The following KCNH8 variants were observed in gnomAD, a reference collection of about 807,000 sequenced individuals.
KCNH8 encodes the protein potassium voltage-gated channel subfamily H member 8.
A neutral mutation model predicts 103.6 loss-of-function variants in KCNH8; 70 were observed. The ratio of observed to expected loss-of-function variants is 0.68; its 90% CI spans 0.56 to 0.82. The LOEUF is 0.82. Among genes scored for constraint, KCNH8 ranks in the 40% least tolerant of loss-of-function variants. The pLI is 0.00. For missense variants in KCNH8, 1,217 were observed against 1,329.9 expected (o/e 0.92, Z 1.32); for synonymous variants, 498 against 489.4 (o/e 1.02, Z -0.23).
chr3:19,270,911 A>G (rs1215116216), intron 2 of KCNH8, among the ~76,000 whole-genome samples: 1 of 152,000 alleles, frequency 6.6e-6, no homozygotes, highest in Non-Finnish European at 1.5e-5. Context: ...CTTACATAGG[A>G]TGTATTTTTC....
At chr3:19,373,076 T>G (rs1000331719) in intron 5 of KCNH8, among the ~76,000 whole-genome samples, 1 of 151,972 alleles carries the variant, frequency 6.6e-6, no homozygotes, top group East Asian at 1.9e-4. Flanking sequence ...AATTCTCTTT[T>G]TTGGTTGTGT....
chr3:19,213,684 C>G (rs758828848), intron 1 of KCNH8, among the ~76,000 whole-genome samples: 2 of 152,200 alleles, frequency 1.3e-5, no homozygotes, highest in Non-Finnish European at 2.9e-5. Context: ...AGAATGCAGT[C>G]TTCAGCATAT....
chr3:19,463,144 A>G (rs2067667943), intron 11 of KCNH8, among the ~76,000 whole-genome samples: 1 of 152,180 alleles, frequency 6.6e-6, no homozygotes. Context: ...TGCATAGGTT[A>G]TACTATGCCA....
intron 5 of KCNH8, among the ~76,000 whole-genome samples, chr3:19,373,875 T>C (rs1275465720): frequency 6.6e-6 from 1 of 152,194 alleles, no homozygotes; most frequent in Non-Finnish European, 1.5e-5. Context: ...TACCCATTAG[T>C]CATTCAGGAG....
intron 11 of KCNH8, among the ~76,000 whole-genome samples, chr3:19,496,292 CT>C (rs1309771845): frequency 6.6e-6 from 1 of 152,120 alleles, no homozygotes. Flanking sequence ...CAGAATGCTT[CT>C]AGCTTTTGCC....
At chr3:19,411,223 A>G (rs936332451) in intron 7 of KCNH8, among the ~76,000 whole-genome samples, 2 of 152,134 alleles carry the variant, frequency 1.3e-5, no homozygotes, top group Admixed American at 6.6e-5. Flanking sequence ...GCACAAAACA[A>G]TAAATGTGGT....
At chr3:19,489,979 C>T (rs367757976) in intron 11 of KCNH8, among the ~76,000 whole-genome samples, 14 of 152,170 alleles carry the variant, frequency 9.2e-5, no homozygotes, top group Admixed American at 2.0e-4. Flanking sequence ...TTCAGATGTC[C>T]GGACTCCAAG....
intron 7 of KCNH8, among the ~76,000 whole-genome samples, chr3:19,431,663 T>A (rs1167389854): frequency 6.6e-6 from 1 of 152,190 alleles, no homozygotes; most frequent in Non-Finnish European, 1.5e-5. Flanking sequence ...TATTTATTGC[T>A]GCCTCAATTT....
chr3:19,277,117 A>G (rs1297370091), intron 2 of KCNH8, among the ~76,000 whole-genome samples: 2 of 152,248 alleles, frequency 1.3e-5, no homozygotes, highest in Middle Eastern at 3.4e-3. Flanking sequence ...CAAATATTGC[A>G]TGTTCTCATT....
intron 5 of KCNH8, among the ~76,000 whole-genome samples, chr3:19,375,794 T>A (rs965032089): frequency 7.9e-5 from 12 of 152,072 alleles, no homozygotes; most frequent in African/African-American, 2.9e-4. Context: ...GGTGTGGATG[T>A]CCTTTCTGTT....
chr3:19,240,295 C>A (rs1422562709), intron 1 of KCNH8, among the ~76,000 whole-genome samples: 1 of 152,100 alleles, frequency 6.6e-6, no homozygotes, highest in African/African-American at 2.4e-5. Flanking sequence ...AAATTTCTAT[C>A]TAAGCATAGC....
At chr3:19,367,784 T>C (rs1177078801) in intron 5 of KCNH8, among the ~76,000 whole-genome samples, 1 of 152,004 alleles carries the variant, frequency 6.6e-6, no homozygotes, top group East Asian at 1.9e-4. Flanking sequence ...TTAGAGTTGC[T>C]AATTCTTAAC....
chr3:19,339,338 C>T (rs1350156546), intron 3 of KCNH8, among the ~76,000 whole-genome samples: 3 of 152,084 alleles, frequency 2.0e-5, no homozygotes, highest in African/African-American at 7.2e-5. Flanking sequence ...TTCCACTTGA[C>T]ATTTTGAAGC....
chr3:19,419,902 T>C (rs1025923596), intron 7 of KCNH8, among the ~76,000 whole-genome samples: 1 of 152,162 alleles, frequency 6.6e-6, no homozygotes, highest in East Asian at 1.9e-4. Context: ...TCTATTATAA[T>C]GATACTTAAA....
chr3:19,327,369 A>G (rs558145283), intron 3 of KCNH8, among the ~76,000 whole-genome samples: 16 of 152,322 alleles, frequency 1.1e-4, no homozygotes, highest in African/African-American at 1.2e-4. Context: ...GGCTCACTGC[A>G]GCCTTCGTCT....
chr3:19,532,828 A>T (rs1169963554), intron 15 of KCNH8, among the ~76,000 whole-genome samples: 2 of 152,222 alleles, frequency 1.3e-5, no homozygotes, highest in Non-Finnish European at 2.9e-5. Context: ...ATGTCTTTAG[A>T]TCAGGATGTA....
chr3:19,458,250 A>T (rs965790506), intron 11 of KCNH8, among the ~76,000 whole-genome samples: 3 of 151,818 alleles, frequency 2.0e-5, no homozygotes, highest in Non-Finnish European at 4.4e-5. Flanking sequence ...CATGTCTTTT[A>T]AAAAAAATCA....
At chr3:19,177,656 A>G (rs902900014) in intron 1 of KCNH8, among the ~76,000 whole-genome samples, 9 of 151,996 alleles carry the variant, frequency 5.9e-5, no homozygotes, top group Non-Finnish European at 1.2e-4. Context: ...ACAGAGAGTG[A>G]GAAAGAAAGG....
chr3:19,222,541 C>T lies in KCNH8; in HGVS notation c.77-31113C>T, dbSNP rs11922543. On this transcript the variant is annotated intron_variant, in intron 1 of 15. Transcript: ENST00000328405. The stretch of plus-strand genomic sequence containing the variant: ...AGAGGATAATTTTGTTTGGCATTTC[C>T]AGTCATCAATCTAACTGCAGTAATG... 7.7e-3 allele frequency among the ~76,000 whole-genome samples: 1,166 copies of T among 152,176 alleles called. 15 individuals are homozygous for T. The highest frequency in any genetic ancestry group is 0.026 in the African/African-American group (1,072 of 41,504).
Sources: allele counts gnomAD v4.1 joint callset (sites outside exome capture counted in the v4.1 genomes callset), GRCh38; gene constraint gnomAD v4.1.1; transcripts MANE v1.5; gene names NCBI Gene and HGNC (gene_info 2026-07-23, HGNC 2026-07-21).